ROBO2: variants seen among roughly 807,000 people sequenced by gnomAD.
ROBO2 encodes the protein roundabout homolog 2.
ROBO2 carries 53 observed loss-of-function variants against 160.8 expected under a neutral mutation model. That is an observed-to-expected ratio of 0.33 (90% CI 0.26 to 0.41). The LOEUF is 0.41. Ranked by LOEUF, ROBO2 falls within the 10% of genes least tolerant of loss-of-function variation. ROBO2 has a pLI of 1.00. For missense variants in ROBO2, 1,577 were observed against 1,722.4 expected (o/e 0.92, Z 1.49); for synonymous variants, 664 against 611.7 (o/e 1.09, Z -1.26).
At chr3:76,132,270 C>T (rs76610953) in intron 2 of ROBO2, among the ~76,000 whole-genome samples, 2,977 of 152,066 alleles carry the variant, frequency 0.02, 52 homozygotes, top group Non-Finnish European at 0.03. Context: ...ATAGGAGAGA[C>T]GTGCTACAGG....
At chr3:76,305,183 G>A (rs2071275676) in intron 2 of ROBO2, among the ~76,000 whole-genome samples, 1 of 151,712 alleles carries the variant, frequency 6.6e-6, no homozygotes, top group Admixed American at 6.6e-5. Context: ...GAATCCAGGA[G>A]TTTAATATCA....
intron 2 of ROBO2, among the ~76,000 whole-genome samples, chr3:76,248,384 C>T (rs987191333): frequency 7.9e-5 from 12 of 151,136 alleles, no homozygotes; most frequent in African/African-American, 2.9e-4. Context: ...AGTAAACTAT[C>T]GCAAGAACAA....
At chr3:77,200,876 G>A (rs190838144) in intron 2 of ROBO2, among the ~76,000 whole-genome samples, 1,558 of 152,226 alleles carry the variant, frequency 0.01, 14 homozygotes, top group Non-Finnish European at 0.014. Context: ...CCATAGGCCA[G>A]GCACACCTTT....
At chr3:76,209,250 T>C (rs1310389748) in intron 2 of ROBO2, among the ~76,000 whole-genome samples, 2 of 152,198 alleles carry the variant, frequency 1.3e-5, no homozygotes, top group Non-Finnish European at 2.9e-5. Context: ...TTTGCTTTCC[T>C]GTCAGACCTA....
intron 2 of ROBO2, among the ~76,000 whole-genome samples, chr3:76,418,208 C>T (rs2075832554): frequency 6.6e-6 from 1 of 151,240 alleles, no homozygotes; most frequent in South Asian, 2.1e-4. Context: ...AATAAGGTCA[C>T]TATATAACTG....
At chr3:76,134,596 T>C (rs1453442249) in intron 2 of ROBO2, among the ~76,000 whole-genome samples, 1 of 152,050 alleles carries the variant, frequency 6.6e-6, no homozygotes, top group Non-Finnish European at 1.5e-5. Flanking sequence ...GGTTTTCACC[T>C]GTATGGAATG....
At chr3:76,363,553 GT>G (rs2075646325) in intron 2 of ROBO2, among the ~76,000 whole-genome samples, 1 of 152,038 alleles carries the variant, frequency 6.6e-6, no homozygotes, top group Non-Finnish European at 1.5e-5. Flanking sequence ...TCTGCTCCTA[GT>G]TTCCAGGACT....
intron 2 of ROBO2, among the ~76,000 whole-genome samples, chr3:76,034,873 A>G (rs754914079): frequency 2.0e-5 from 3 of 152,096 alleles, no homozygotes; most frequent in Non-Finnish European, 4.4e-5. Context: ...TTCTCAGATT[A>G]CAGTCTGGGT....
intron 2 of ROBO2, among the ~76,000 whole-genome samples, chr3:77,269,613 ATG>A (rs146144052): frequency 6.6e-6 from 1 of 151,788 alleles, no homozygotes; most frequent in African/African-American, 2.4e-5. Flanking sequence ...GTTTTCCAAG[ATG>A]TGTGTGTATC....
At chr3:76,245,645 T>C (rs1705572189) in intron 2 of ROBO2, among the ~76,000 whole-genome samples, 1 of 152,206 alleles carries the variant, frequency 6.6e-6, no homozygotes, top group African/African-American at 2.4e-5. Flanking sequence ...TATACCATTT[T>C]GAATTTAAAA....
At chr3:77,030,069 C>T (rs1291874733) in intron 2 of ROBO2, among the ~76,000 whole-genome samples, 2 of 151,984 alleles carry the variant, frequency 1.3e-5, no homozygotes, top group Admixed American at 6.6e-5. Flanking sequence ...CTCAGCCTCC[C>T]GAGAAGCTGG....
At chr3:76,054,987 G>A (rs1037533393) in intron 2 of ROBO2, among the ~76,000 whole-genome samples, 1 of 152,186 alleles carries the variant, frequency 6.6e-6, no homozygotes, top group Admixed American at 6.5e-5. Context: ...TGCTAATAAA[G>A]ACATACCCGA....
intron 2 of ROBO2, among the ~76,000 whole-genome samples, chr3:76,230,414 A>G (rs938811901): frequency 1.3e-5 from 2 of 152,126 alleles, no homozygotes; most frequent in Non-Finnish European, 2.9e-5. Flanking sequence ...TAATTGTCAA[A>G]TTAACAACTG....
At chr3:76,535,186 G>A (rs771903828) in intron 2 of ROBO2, among the ~76,000 whole-genome samples, 20 of 151,938 alleles carry the variant, frequency 1.3e-4, no homozygotes, top group Admixed American at 6.6e-4. Context: ...GAGGAGAGGA[G>A]ACTATAGGGG....
chr3:77,443,866 C>A (rs560382869), intron 2 of ROBO2, among the ~76,000 whole-genome samples: 1 of 152,226 alleles, frequency 6.6e-6, no homozygotes, highest in African/African-American at 2.4e-5. Context: ...GTTACCCAGC[C>A]CAGAGCCCCT....
chr3:77,124,187 G>A (rs2075093826), intron 2 of ROBO2, among the ~76,000 whole-genome samples: 2 of 152,070 alleles, frequency 1.3e-5, no homozygotes, highest in African/African-American at 4.8e-5. Flanking sequence ...ATTTTTGTAG[G>A]ATCAGGGAGG....
chr3:76,974,882 A>G (rs2059738379), intron 2 of ROBO2, among the ~76,000 whole-genome samples: 2 of 152,164 alleles, frequency 1.3e-5, no homozygotes, highest in African/African-American at 4.8e-5. Context: ...AACAGCTTAC[A>G]GACTGCTAAG....
chr3:77,118,295 G>A (rs1460266892), intron 2 of ROBO2, among the ~76,000 whole-genome samples: 1 of 152,146 alleles, frequency 6.6e-6, no homozygotes, highest in East Asian at 1.9e-4. Flanking sequence ...ATTTAGATTG[G>A]GCTGAAAAAA....
At chr3:77,516,177 G>C (rs1255134786) in intron 5 of ROBO2, among the ~76,000 whole-genome samples, 1 of 151,410 alleles carries the variant, frequency 6.6e-6, no homozygotes, top group East Asian at 1.9e-4. Context: ...GTTAAGAAAC[G>C]AGGAATAAAA....
Sources: allele counts gnomAD v4.1 joint callset (sites outside exome capture counted in the v4.1 genomes callset), GRCh38; gene constraint gnomAD v4.1.1; transcripts MANE v1.5; gene names NCBI Gene and HGNC (gene_info 2026-07-23, HGNC 2026-07-21).